Variants in PABPC4L observed in about 807,000 individuals in gnomAD.
The protein encoded by PABPC4L is polyadenylate-binding protein 4-like.
For synonymous variants in PABPC4L, 169 were observed against 164.1 expected, an observed-to-expected ratio of 1.03 and a Z score of -0.23; for missense variants, 452 against 451.4, an observed-to-expected ratio of 1.00 and a Z score of -0.01.
chr4:134,174,806 A>T, the PABPC4L span, among the ~76,000 whole-genome samples: 11 of 151,996 alleles, frequency 7.2e-5, no homozygotes, highest in Non-Finnish European at 1.5e-4. Context: ...ATGACCAGAA[A>T]TTTTTTATAT....
chr4:134,179,528 C>T, the PABPC4L span, among the ~76,000 whole-genome samples: 3 of 152,046 alleles, frequency 2.0e-5, no homozygotes, highest in East Asian at 1.9e-4. Context: ...ATCAAATTCA[C>T]ACATATCAAT....
chr4:134,017,691 G>A, the PABPC4L span, among the ~76,000 whole-genome samples: 10 of 151,794 alleles, frequency 6.6e-5, no homozygotes, highest in Admixed American at 2.6e-4. Context: ...CTCTTATTCC[G>A]TTTAGTTTTC....
chr4:134,138,180 T>A, the PABPC4L span, among the ~76,000 whole-genome samples: 8 of 151,808 alleles, frequency 5.3e-5, no homozygotes, highest in Non-Finnish European at 7.4e-5. Flanking sequence ...TAAAAAATAA[T>A]GTTGCCCTAT....
At chr4:134,124,720 T>C in the PABPC4L span, among the ~76,000 whole-genome samples, 1 of 152,104 alleles carries the variant, frequency 6.6e-6, no homozygotes, top group African/African-American at 2.4e-5. Context: ...ACTTTTGTCT[T>C]GATCTATCAA....
the PABPC4L span, among the ~76,000 whole-genome samples, chr4:134,059,200 C>T: frequency 6.6e-6 from 1 of 151,844 alleles, no homozygotes; most frequent in Non-Finnish European, 1.5e-5. Flanking sequence ...CAAAAATGAT[C>T]TGATTCCCAC....
the PABPC4L span, among the ~76,000 whole-genome samples, chr4:134,077,928 A>G: frequency 6.6e-6 from 1 of 152,166 alleles, no homozygotes; most frequent in Non-Finnish European, 1.5e-5. Flanking sequence ...CACCTAGGCA[A>G]ATGCCCATGG....
chr4:134,028,432 CT>C, the PABPC4L span, among the ~76,000 whole-genome samples: 2 of 66,458 alleles, frequency 3.0e-5, no homozygotes, highest in African/African-American at 7.5e-5. Context: ...TCCTGAATTT[CT>C]TTTCCTTTTT....
At chr4:134,095,613 G>A in the PABPC4L span, among the ~76,000 whole-genome samples, 31 of 151,996 alleles carry the variant, frequency 2.0e-4, no homozygotes, top group African/African-American at 6.7e-4. Flanking sequence ...TCTAAGTCAG[G>A]CAGTAGTTTT....
the PABPC4L span, among the ~76,000 whole-genome samples, chr4:133,986,889 C>A: frequency 6.6e-6 from 1 of 152,148 alleles, no homozygotes; most frequent in Non-Finnish European, 1.5e-5. Context: ...GAGCTTGCCA[C>A]CATGCCCTGC....
chr4:134,069,422 T>C, the PABPC4L span, among the ~76,000 whole-genome samples: 1 of 152,304 alleles, frequency 6.6e-6, no homozygotes, highest in South Asian at 2.1e-4. Context: ...ATTTTTTAAG[T>C]TGCTTGCTTT....
At chr4:134,186,767 G>T in the PABPC4L span, among the ~76,000 whole-genome samples, 573 of 152,132 alleles carry the variant, frequency 3.8e-3, 2 homozygotes, top group African/African-American at 0.013. Context: ...CCTACAGAAT[G>T]GGAAAAAATT....
At chr4:134,161,135 C>A in the PABPC4L span, among the ~76,000 whole-genome samples, 1 of 151,330 alleles carries the variant, frequency 6.6e-6, no homozygotes, top group East Asian at 2.0e-4. Context: ...CTGAAAAATT[C>A]AATTAACAAC....
At chr4:134,130,231 T>C in the PABPC4L span, among the ~76,000 whole-genome samples, 1 of 151,458 alleles carries the variant, frequency 6.6e-6, no homozygotes, top group Non-Finnish European at 1.5e-5. Flanking sequence ...AAAAGATAAA[T>C]GAAACAAAAA....
the PABPC4L span, among the ~76,000 whole-genome samples, chr4:134,131,081 C>T: frequency 6.6e-6 from 1 of 152,042 alleles, no homozygotes; most frequent in African/African-American, 2.4e-5. Context: ...CCACAGCCAA[C>T]ATTATGTAGA....
the PABPC4L span, among the ~76,000 whole-genome samples, chr4:133,980,237 T>C: frequency 6.6e-6 from 1 of 152,202 alleles, no homozygotes; most frequent in Admixed American, 6.5e-5. Context: ...AATCTAGGCT[T>C]CTTATATGTC....
the PABPC4L span, among the ~76,000 whole-genome samples, chr4:134,067,734 T>G: frequency 6.6e-6 from 1 of 152,194 alleles, no homozygotes; most frequent in Non-Finnish European, 1.5e-5. Flanking sequence ...ATCTTAGCTC[T>G]CATTAGTTTC....
At chr4:134,119,512 T>G in the PABPC4L span, among the ~76,000 whole-genome samples, 1 of 151,744 alleles carries the variant, frequency 6.6e-6, no homozygotes, top group Admixed American at 6.6e-5. Context: ...ATAAAATATT[T>G]AACTGGAGCA....
At chr4:134,069,988 GTT>G in the PABPC4L span, among the ~76,000 whole-genome samples, 6 of 108,328 alleles carry the variant, frequency 5.5e-5, no homozygotes, top group Admixed American at 1.0e-4. Flanking sequence ...CCTTTGGAGG[GTT>G]TTTTTTTTTT....
downstream of PABPC4L, among the ~76,000 whole-genome samples, chr4:134,191,344 T>G (rs1729506293): frequency 1.3e-5 from 2 of 152,084 alleles, no homozygotes; most frequent in Non-Finnish European, 2.9e-5. Context: ...CAACTACACC[T>G]AACACATATC....
Sources: gnomAD v4.1 joint callset for allele counts (sites outside exome capture counted in the v4.1 genomes callset) on GRCh38, gnomAD v4.1.1 for gene constraint, MANE v1.5 for transcripts, NCBI Gene and HGNC (gene_info 2026-07-23, HGNC 2026-07-21) for gene names.